Variants in TRPV1 observed in about 807,000 individuals in gnomAD.
The protein encoded by TRPV1 is OTRPC1.
A neutral mutation model predicts 82.3 loss-of-function variants in TRPV1; 82 were observed. The observed-to-expected ratio is 1.00, with a 90% CI of 0.83 to 1.20. The LOEUF is 1.20. Among genes scored for constraint, TRPV1 ranks in the 50% most tolerant of loss-of-function variants. The pLI, the probability that TRPV1 is intolerant of heterozygous loss-of-function variation, is 0.00. For missense variants in TRPV1, 1,067 were observed against 1,096.8 expected (o/e 0.97, Z 0.38); for synonymous variants, 515 against 467.7 (o/e 1.10, Z -1.30).
chr17:3,602,895 G>A (rs1290984750), intron 2 of TRPV1, among the ~76,000 whole-genome samples: 1 of 152,202 alleles, frequency 6.6e-6, no homozygotes, highest in Non-Finnish European at 1.5e-5. Context: ...GCCGAGGCGG[G>A]TGGATCGCCT....
chr17:3,573,755 T>C lies in TRPV1; in HGVS notation c.1981A>G (p.Ile661Val), dbSNP rs1015528200. ...ATTACATAGGCCAGCAGCAGGATGA[T>C]GAAGACAGCCTTGAAGTCATAGTTC... ...TENYDFKAVFIILLLAYVILT... is the reference protein window; with the variant it reads ...TENYDFKAVFVILLLAYVILT... The change falls in exon 14 of 17, where the codon ATC becomes GTC. Residue 661 changes from isoleucine to valine, a missense_variant. Transcript: ENST00000572705. 6.2e-7 allele frequency: 1 copy of C among 1,613,908 alleles called. No homozygotes were observed.
intron 16 of TRPV1, among the ~76,000 whole-genome samples, chr17:3,570,008 G>A (rs1398157217): frequency 2.0e-5 from 3 of 149,496 alleles, no homozygotes; most frequent in Non-Finnish European, 4.5e-5. Context: ...GGGGCCAAGC[G>A]GTCAGGGAGG....
intron 11 of TRPV1, 143 bp from the exon 12 acceptor site, chr17:3,577,906 C>T (rs113652568): frequency 1.1e-5 from 8 of 725,522 alleles, no homozygotes; most frequent in African/African-American, 1.1e-4. Context: ...CTCTTTCAGC[C>T]CAGGCGTTCT....
At chr17:3,574,741 G>C (rs143040392) in intron 13 of TRPV1, among the ~76,000 whole-genome samples, 1 of 152,142 alleles carries the variant, frequency 6.6e-6, no homozygotes, top group Non-Finnish European at 1.5e-5. Flanking sequence ...CTGAGGTCAG[G>C]AGTTTGAGAC....
chr17:3,571,386 G>A (rs2074850587), intron 16 of TRPV1, 138 bp downstream of exon 16: 5 of 640,302 alleles, frequency 7.8e-6, no homozygotes, highest in Admixed American at 5.3e-5. Context: ...GCTCATGGCC[G>A]ACGTCAGGAG....
At chr17:3,601,699 G>A (rs945522593) in intron 2 of TRPV1, 3 of 151,386 alleles carry the variant, frequency 2.0e-5, no homozygotes, top group African/African-American at 7.3e-5. Flanking sequence ...TGGACTCAAA[G>A]GATCCTCCTG....
chr17:3,573,988 G>C, intron 13 of TRPV1, 33 bp from the exon 14 acceptor site: 2 of 1,532,034 alleles, frequency 1.3e-6, no homozygotes, highest in Non-Finnish European at 1.8e-6. Flanking sequence ...GGTGCCACTG[G>C]ATAGAAGCCA....
intron 16 of TRPV1, among the ~76,000 whole-genome samples, chr17:3,567,306 C>T: frequency 7.1e-6 from 1 of 139,920 alleles, no homozygotes. Flanking sequence ...GAGGCACAGG[C>T]TGCAGTGAGC....
At chr17:3,587,933 T>C (rs545248433) in intron 8 of TRPV1, among the ~76,000 whole-genome samples, 2 of 152,296 alleles carry the variant, frequency 1.3e-5, no homozygotes, top group South Asian at 2.1e-4. Context: ...CATTTTTAAA[T>C]AGTATAAAAG....
At position 3,577,139 on chromosome 17, in the gene TRPV1, G is replaced by C. The variant is rs9913209; in HGVS notation, c.1767C>G (p.Phe589Leu). The change falls in exon 13 of 17, where the codon TTC becomes TTG. Residue 589 changes from phenylalanine to leucine, a missense_variant. By Grantham distance (22) the Phe-to-Leu change is conservative. Transcript: ENST00000572705. ...RFMFVYIVFL[F>L]GFSTAVVTLI... ...CAAGCTCATTACCTGTGGAAAACCC[G>C]AACAAGAAGACGATGTAGACAAACA... The C allele has an allele frequency of 1.6e-3, 2,463 of 1,586,946 alleles. 4 individuals carry two copies. The highest frequency in any genetic ancestry group is 1.9e-3 in the Non-Finnish European group (2,195 of 1,167,050).
chr17:3,582,831 G>C (rs1166795924), intron 10 of TRPV1, among the ~76,000 whole-genome samples: 5 of 143,948 alleles, frequency 3.5e-5, no homozygotes, highest in African/African-American at 4.9e-5. Context: ...GTGGTGGCAG[G>C]CGCCTGTAAT....
At chr17:3,568,077 C>A (rs530267484) in intron 16 of TRPV1, among the ~76,000 whole-genome samples, 35 of 152,148 alleles carry the variant, frequency 2.3e-4, no homozygotes, top group Non-Finnish European at 4.0e-4. Context: ...AATCCCAGCA[C>A]TGTGGGAGGC....
intron 6 of TRPV1, 57 bp from the exon 7 acceptor site, chr17:3,590,162 A>ACCACC: frequency 6.3e-7 from 1 of 1,585,710 alleles, no homozygotes; most frequent in South Asian, 1.2e-5. Flanking sequence ...TGGCCCCTGA[A>ACCACC]CCACCGGCCT....
intron 2 of TRPV1, among the ~76,000 whole-genome samples, chr17:3,600,310 G>A (rs527265006): frequency 1.1e-4 from 17 of 152,284 alleles, no homozygotes; most frequent in African/African-American, 3.4e-4. Context: ...GCACGGAGCC[G>A]GGCACGGTGG....
Position 3,577,507 on chromosome 17 carries a change from CAG to C in TRPV1, c.1713+89_1713+90del. The C allele has an allele frequency of 2.1e-6, 3 of 1,446,940 alleles. No homozygotes were observed. The Admixed American group carries it at 6.1e-5, about 29-fold the overall frequency. 89.6% of individuals were successfully genotyped at this position (1,446,940 alleles called of 1,614,324 possible). Reference sequence around the variant, plus strand: ...TAAACCAGCCCCTTCCCAGGCACGACAGAGAGGATGGGCGGAGTTCTTGGCCC... The same window carrying C: ...TAAACCAGCCCCTTCCCAGGCACGACAGAGGATGGGCGGAGTTCTTGGCCC... On this transcript the variant is annotated intron_variant, in intron 12 of 16. Coordinates refer to ENST00000572705, the MANE Select transcript of TRPV1 (RefSeq NM_080704.4).
At chr17:3,579,196 TAA>T (rs2074973805) in intron 11 of TRPV1, among the ~76,000 whole-genome samples, 1 of 152,048 alleles carries the variant, frequency 6.6e-6, no homozygotes, top group Non-Finnish European at 1.5e-5. Flanking sequence ...AAAATTAAAA[TAA>T]GTGTTCCTTT....
chr17:3,593,820 T>G (rs1292698151), intron 2 of TRPV1, among the ~76,000 whole-genome samples: 2 of 152,062 alleles, frequency 1.3e-5, no homozygotes, highest in East Asian at 3.9e-4. Context: ...TCCTGGTCCA[T>G]CTCCTTATGA....
Position 3,590,001 on chromosome 17 carries a change from C to A in TRPV1, c.850G>T (p.Val284Leu), listed in dbSNP as rs2075136003. 6.4e-7 allele frequency: 1 copy of A among 1,561,326 alleles called. No homozygotes were observed. The highest frequency in any genetic ancestry group is 8.7e-7 in the Non-Finnish European group (1 of 1,153,300). ...QTADISARDS[V>L]GNTVLHALVE... ...AGGGCGTGCAGCACCGTGTTGCCCA[C>A]CGAGTCCCTGGCGCTGATGTCGGCC... is the stretch of plus-strand genomic sequence containing the variant. Residue 284 changes from valine to leucine, a missense_variant, in exon 7 of 17, where the codon GTG becomes TTG. Physicochemically the swap from Val to Leu is conservative, Grantham distance 32. Transcript: ENST00000572705.
intron 15 of TRPV1, 113 bp from the exon 16 acceptor site, chr17:3,571,752 G>C (rs1278248488): frequency 1.3e-6 from 1 of 796,458 alleles, no homozygotes. Flanking sequence ...AGATGTGGTG[G>C]GTCGGGGAGG....
Sources: allele counts gnomAD v4.1 joint callset (sites outside exome capture counted in the v4.1 genomes callset), GRCh38; gene constraint gnomAD v4.1.1; transcripts MANE v1.5; gene names NCBI Gene and HGNC (gene_info 2026-07-23, HGNC 2026-07-21).